Variants in RAB38 observed in about 807,000 individuals in gnomAD.
The protein encoded by RAB38 is ras-related protein Rab-38.
In RAB38, 15 loss-of-function variants were observed where a neutral mutation model predicts 18.4. The observed-to-expected ratio is 0.82, with a 90% CI of 0.55 to 1.26. The LOEUF (loss-of-function observed/expected upper bound fraction) is 1.26, where lower values mean the gene tolerates loss of function less well. Ranked by LOEUF, RAB38 falls within the 50% of genes most tolerant of loss-of-function variation. The pLI, the probability that RAB38 is intolerant of heterozygous loss-of-function variation, is 0.00. For synonymous variants in RAB38, 101 were observed against 104.4 expected, an observed-to-expected ratio of 0.97 and a Z score of 0.20; for missense variants, 294 against 267.4, an observed-to-expected ratio of 1.10 and a Z score of -0.69.
the RAB38 span, among the ~76,000 whole-genome samples, chr11:87,863,734 C>T: frequency 6.6e-6 from 1 of 151,766 alleles, no homozygotes; most frequent in Non-Finnish European, 1.5e-5. Flanking sequence ...ATATTAAAGA[C>T]ACTCGTAATA....
chr11:87,854,505 G>T, the RAB38 span, among the ~76,000 whole-genome samples: 2 of 151,972 alleles, frequency 1.3e-5, no homozygotes, highest in Non-Finnish European at 2.9e-5. Flanking sequence ...TTAGAATGTG[G>T]ATTTTGAGAG....
At chr11:87,949,441 G>T in the RAB38 span, among the ~76,000 whole-genome samples, 1 of 152,134 alleles carries the variant, frequency 6.6e-6, no homozygotes, top group African/African-American at 2.4e-5. Context: ...GTTTTTGAAT[G>T]TGTTTGCTCT....
chr11:87,846,033 T>TC, the RAB38 span, among the ~76,000 whole-genome samples: 1 of 152,066 alleles, frequency 6.6e-6, no homozygotes, highest in Non-Finnish European at 1.5e-5. Context: ...TAAAAGAAAT[T>TC]CTAAGTAGAC....
chr11:87,878,686 A>T, the RAB38 span, among the ~76,000 whole-genome samples: 2 of 151,650 alleles, frequency 1.3e-5, no homozygotes, highest in African/African-American at 4.8e-5. Context: ...TCTTTATTTC[A>T]TGTAATACCA....
chr11:87,804,748 G>C, the RAB38 span, among the ~76,000 whole-genome samples: 2 of 151,966 alleles, frequency 1.3e-5, no homozygotes, highest in Non-Finnish European at 2.9e-5. Context: ...AAAGTTGAAG[G>C]CCATGAATTA....
chr11:87,977,928 C>T, the RAB38 span, among the ~76,000 whole-genome samples: 95,687 of 95,794 alleles, frequency 1, 47,790 homozygotes, highest in Middle Eastern at 1. Flanking sequence ...TATGTAGTGA[C>T]ACCTTTATAT....
chr11:87,974,751 GATT>G, the RAB38 span, among the ~76,000 whole-genome samples: 4 of 150,058 alleles, frequency 2.7e-5, no homozygotes, highest in African/African-American at 9.8e-5. Context: ...TATACAGAGG[GATT>G]ATTATATAAA....
the RAB38 span, among the ~76,000 whole-genome samples, chr11:87,868,358 G>A: frequency 6.6e-6 from 1 of 151,594 alleles, no homozygotes; most frequent in African/African-American, 2.4e-5. Flanking sequence ...ATGAGTGGAA[G>A]CAGCCTGAAG....
the RAB38 span, among the ~76,000 whole-genome samples, chr11:87,961,074 G>T: frequency 1.3e-5 from 2 of 152,046 alleles, no homozygotes; most frequent in South Asian, 2.1e-4. Flanking sequence ...TTCATGCTGT[G>T]CCTATTAGAA....
chr11:88,071,757 A>T, the RAB38 span, among the ~76,000 whole-genome samples: 1 of 152,196 alleles, frequency 6.6e-6, no homozygotes, highest in Admixed American at 6.5e-5. Flanking sequence ...TCCCTTTATG[A>T]TACACAAATG....
the RAB38 span, among the ~76,000 whole-genome samples, chr11:87,962,189 G>T: frequency 7.0e-4 from 106 of 152,116 alleles, no homozygotes; most frequent in African/African-American, 2.2e-3. Context: ...CCGAAAGAAG[G>T]CATCTTGGTG....
chr11:87,871,579 T>C, the RAB38 span, among the ~76,000 whole-genome samples: 1 of 151,500 alleles, frequency 6.6e-6, no homozygotes, highest in Non-Finnish European at 1.5e-5. Flanking sequence ...AAAATATAAA[T>C]ATAGAAAAGT....
intron 2 of RAB38, among the ~76,000 whole-genome samples, chr11:88,117,439 G>C (rs924714426): frequency 2.0e-5 from 3 of 152,156 alleles, no homozygotes; most frequent in Non-Finnish European, 4.4e-5. Context: ...TACTATAAAA[G>C]TCCATTACTA....
At chr11:87,903,796 C>T in the RAB38 span, among the ~76,000 whole-genome samples, 8 of 150,740 alleles carry the variant, frequency 5.3e-5, no homozygotes, top group Non-Finnish European at 1.0e-4. Flanking sequence ...GAGCTTTTTT[C>T]CATTTCCCTT....
chr11:88,032,336 T>C, the RAB38 span, among the ~76,000 whole-genome samples: 3 of 152,298 alleles, frequency 2.0e-5, no homozygotes, highest in South Asian at 4.1e-4. Flanking sequence ...ACTTCATGTC[T>C]AAAACACCAA....
At chr11:87,957,164 G>T in the RAB38 span, among the ~76,000 whole-genome samples, 1 of 151,974 alleles carries the variant, frequency 6.6e-6, no homozygotes, top group Non-Finnish European at 1.5e-5. Context: ...TTCCCCCTTT[G>T]TCCCTTAGGT....
At chr11:88,126,400 G>A (rs2134787461) in intron 2 of RAB38, among the ~76,000 whole-genome samples, 1 of 152,258 alleles carries the variant, frequency 6.6e-6, no homozygotes, top group East Asian at 1.9e-4. Flanking sequence ...GTCCTTTGTA[G>A]GGACGTGGAT....
In RAB38 at chr11:88,152,650, C is replaced by T. The variant is rs537254523; in HGVS notation, c.203-2695G>A. On this transcript the variant is annotated intron_variant, in intron 1 of 2. Transcript: ENST00000243662. ...CTCCTTCCTTTGTCAGCTGACAGTC[C>T]TCTTTGCTCTTTCTTATTCAAAGAA... is the stretch of plus-strand genomic sequence containing the variant. Among the ~76,000 whole-genome samples the T allele has an allele frequency of 3.9e-5, 6 of 152,266 alleles. No individual in the cohort carries two copies. In the South Asian group the frequency reaches 8.3e-4, roughly 21 times the overall value.
the RAB38 span, among the ~76,000 whole-genome samples, chr11:87,836,227 C>T: frequency 1.3e-5 from 2 of 152,084 alleles, no homozygotes; most frequent in East Asian, 1.9e-4. Flanking sequence ...GACAATTTCA[C>T]CTCTGAAACA....
Sources: gnomAD v4.1 joint callset for allele counts (sites outside exome capture counted in the v4.1 genomes callset) on GRCh38, gnomAD v4.1.1 for gene constraint, MANE v1.5 for transcripts, NCBI Gene and HGNC (gene_info 2026-07-23, HGNC 2026-07-21) for gene names.